MAN1C1: variants seen among roughly 807,000 people sequenced by gnomAD.
MAN1C1 encodes mannosyl-oligosaccharide 1,2-alpha-mannosidase IC.
A neutral mutation model predicts 71.5 loss-of-function variants in MAN1C1; 49 were observed. The ratio of observed to expected loss-of-function variants is 0.69; its 90% CI spans 0.54 to 0.87. The LOEUF is 0.87. MAN1C1 is among the 40% of genes least tolerant of loss of function. MAN1C1 has a pLI of 0.00. For synonymous variants in MAN1C1, 352 were observed against 343.7 expected (o/e 1.02, Z -0.27); for missense variants, 743 against 835.0 (o/e 0.89, Z 1.36).
In MAN1C1 at chr1:25,679,558, T is replaced by TAAA. The variant is rs35048799; in HGVS notation, c.541-6869_541-6867dup. ...CTCCAGTAAAATTTCCTAAATGAGT[T>TAAA]AAAAAAAAAAAAAAAGGCATTTCAG... On this transcript the variant is annotated intron_variant, in intron 1 of 11. Transcript: ENST00000374332. Among the ~76,000 whole-genome samples, 15 of 135,178 alleles carry TAAA rather than the reference T, an allele frequency of 1.1e-4. No homozygotes were observed. The East Asian group carries it at 2.6e-3, about 23-fold the overall frequency. 88.7% of individuals were successfully genotyped at this position (135,178 alleles called of 152,430 possible).
At chr1:25,738,838 A>G (rs2047018038) in intron 2 of MAN1C1, among the ~76,000 whole-genome samples, 1 of 152,124 alleles carries the variant, frequency 6.6e-6, no homozygotes, top group South Asian at 2.1e-4. Flanking sequence ...AGAGGCAGGA[A>G]GTGGAAGCTG....
At chr1:25,717,575 CT>C (rs1023005252) in intron 2 of MAN1C1, among the ~76,000 whole-genome samples, 1,718 of 135,486 alleles carry the variant, frequency 0.013, 22 homozygotes, top group African/African-American at 0.038. Context: ...TACCATTTTC[CT>C]TTTTTTTTTT....
rs545327724 is a variant in MAN1C1, at chr1:25,642,877, C to G, written c.540+24540C>G. ...TGGCAGATGGTTGTAGCTGTGGTTT[C>G]CTGGAGGCCTGTGTGGGGAGATGAT... On this transcript the variant is annotated intron_variant, in intron 1 of 11. Coordinates refer to ENST00000374332, the MANE Select transcript of MAN1C1 (RefSeq NM_020379.4). 2.0e-5 allele frequency among the ~76,000 whole-genome samples: 3 copies of G among 152,206 alleles called. No individual in the cohort carries two copies. In the East Asian group the frequency reaches 5.8e-4, roughly 29 times the overall value.
At chr1:25,619,459 G>C (rs1303985730) in intron 1 of MAN1C1, among the ~76,000 whole-genome samples, 1 of 152,224 alleles carries the variant, frequency 6.6e-6, no homozygotes, top group Admixed American at 6.5e-5. Context: ...GCTCAGAGCC[G>C]ATGGAGGGCT....
chr1:25,715,940 T>G (rs553130196), intron 2 of MAN1C1, among the ~76,000 whole-genome samples: 2 of 152,324 alleles, frequency 1.3e-5, no homozygotes, highest in Non-Finnish European at 2.9e-5. Context: ...GTCAGGGACT[T>G]AGGTTCCACT....
At chr1:25,658,784 TCTC>T (rs1371268423) in intron 1 of MAN1C1, 3 of 152,402 alleles carry the variant, frequency 2.0e-5, no homozygotes, top group African/African-American at 7.2e-5. Flanking sequence ...TTCTGTCTCT[TCTC>T]TGAAGTTCCT....
At position 25,783,958 on chromosome 1, in the gene MAN1C1, ACT is replaced by A. The variant is rs989463874; in HGVS notation, c.*171_*172del. Reference sequence around the variant, plus strand: ...CTCTGTGAGGAGACAAGACTTGGAGACTCAGCGATGTCAGGCCAGGGCCATGG... The same window carrying A: ...CTCTGTGAGGAGACAAGACTTGGAGACAGCGATGTCAGGCCAGGGCCATGG... On this transcript the variant is annotated 3_prime_UTR_variant, in exon 12 of 12. Coordinates refer to ENST00000374332, the MANE Select transcript of MAN1C1 (RefSeq NM_020379.4). 2 of 879,282 alleles carry A rather than the reference ACT, an allele frequency of 2.3e-6. No individual in the cohort carries two copies. Among genetic ancestry groups the A allele is most frequent in the African/African-American group, 1.7e-5 (1 of 59,112 alleles). The allele number at this position is 879,282 out of a possible 1,614,324, so 54.5% of individuals were successfully genotyped here. A position where few individuals can be genotyped will look rare whatever the true frequency, so the allele number is the denominator to read the frequency against.
chr1:25,771,684 A>G lies in MAN1C1; in HGVS notation c.1169A>G (p.Asp390Gly). ...CATGTCTCAGTTGGAGGACTCGGGGACAGTTTTTATGAATATTTGATCAAA... is the reference window on the plus strand; with the variant it reads ...CATGTCTCAGTTGGAGGACTCGGGGGCAGTTTTTATGAATATTTGATCAAA... ...QHHVSVGGLG[D>G]SFYEYLIKSW... The change falls in exon 8 of 12, where the codon GAC becomes GGC. Residue 390 changes from aspartate (D) to glycine (G), a missense_variant. Physicochemically the swap from Asp to Gly is moderately conservative, Grantham distance 94 (BLOSUM62 -1). Transcript: ENST00000374332. 2.5e-6 allele frequency: 4 copies of G among 1,614,066 alleles called. No homozygotes were observed. The highest frequency in any genetic ancestry group is 3.4e-6 in the Non-Finnish European group (4 of 1,179,924).
At chr1:25,745,559 G>A (rs145245749) in intron 2 of MAN1C1, among the ~76,000 whole-genome samples, 2 of 152,264 alleles carry the variant, frequency 1.3e-5, no homozygotes, top group African/African-American at 4.8e-5. Context: ...AAAAGATCCC[G>A]TGGATGTCTC....
intron 1 of MAN1C1, chr1:25,654,345 G>A (rs1032153733): frequency 1.1e-4 from 17 of 152,164 alleles, no homozygotes; most frequent in African/African-American, 3.4e-4. Flanking sequence ...CGATCCATGA[G>A]GCATCTGACC....
rs1491451053 is a variant in MAN1C1, at chr1:25,730,817, T to TGCA, written c.638-15851_638-15850insGCA. On this transcript the variant is annotated intron_variant, in intron 2 of 11. Transcript: ENST00000374332. The surrounding 1 kb of genome is among the most constrained non-coding windows in gnomAD (Gnocchi z 4.3). ...CTTTTCACTCTCCTGCCAGACTCTG[T>TGCA]TCATGGAGTCCTGCACCCTTCACCT... Among the ~76,000 whole-genome samples the TGCA allele has an allele frequency of 1.3e-5, 2 of 152,198 alleles. No homozygotes were observed. Among genetic ancestry groups the TGCA allele is most frequent in the Admixed American group, 1.3e-4 (2 of 15,268 alleles).
chr1:25,706,438 C>A (rs1335948018), intron 2 of MAN1C1, among the ~76,000 whole-genome samples: 2 of 152,036 alleles, frequency 1.3e-5, no homozygotes, highest in East Asian at 3.9e-4. Context: ...GAGTTGTGGG[C>A]GTGTTGGTCG....
chr1:25,694,841 C>T (rs2046350115), intron 2 of MAN1C1, among the ~76,000 whole-genome samples: 2 of 152,186 alleles, frequency 1.3e-5, no homozygotes, highest in Admixed American at 1.3e-4. Flanking sequence ...GCTTTGACTT[C>T]AGAGATATGC....
rs547575572 is a variant in MAN1C1 at position 25,660,844 on chromosome 1, C to T, written c.541-25596C>T. On this transcript the variant is annotated intron_variant, in intron 1 of 11. Coordinates refer to ENST00000374332, the MANE Select transcript of MAN1C1 (RefSeq NM_020379.4). ...TAGCTGGGACCACAGGTGCATGCAA[C>T]CATGCCCAGCTAATTTTTTTATTTT... Among the ~76,000 whole-genome samples the T allele has an allele frequency of 1.9e-3, 286 of 152,234 alleles. 1 individual carries two copies. Among genetic ancestry groups the T allele is most frequent in the African/African-American group, 6.5e-3 (270 of 41,544 alleles).
intron 2 of MAN1C1, among the ~76,000 whole-genome samples, chr1:25,695,556 G>A (rs1028346393): frequency 4.6e-5 from 7 of 152,134 alleles, no homozygotes; most frequent in African/African-American, 1.2e-4. Context: ...AGCAAAGCAC[G>A]CCTCGAAATT....
In MAN1C1 at chr1:25,746,783, G is replaced by A. The variant is rs1234613556; in HGVS notation, c.753G>A (p.Val251=). 1.9e-6 allele frequency: 3 copies of A among 1,596,796 alleles called. No individual in the cohort carries two copies. Among genetic ancestry groups the A allele is most frequent in the Non-Finnish European group, 2.6e-6 (3 of 1,168,034 alleles). Residue 251 remains valine, a splice_region_variant and synonymous_variant, in exon 3 of 12, where the codon GTG becomes GTA. Coordinates refer to ENST00000374332, the MANE Select transcript of MAN1C1 (RefSeq NM_020379.4). This position sits in a 1 kb window ranked among gnomAD's most constrained non-coding sequence, Gnocchi z 4.0. ...TGGGAGAGAGCTTCCACCTGAACGT[G>A]GTGAGTCAGAGGCCCTCGGCGGGGG... ...AWVGESFHLN[V]SGEASLFEVN...
At chr1:25,774,391 A>C (rs79860306) in intron 8 of MAN1C1, among the ~76,000 whole-genome samples, 3,004 of 152,254 alleles carry the variant, frequency 0.02, 119 homozygotes, top group African/African-American at 0.068. Context: ...AGGGTCAGAA[A>C]GGCCCAAGGT....
In MAN1C1 at chr1:25,676,853, C is replaced by G. The variant is rs745913258; in HGVS notation, c.541-9587C>G. 2.0e-5 allele frequency among the ~76,000 whole-genome samples: 3 copies of G among 152,178 alleles called. 1 individual carries two copies. Among genetic ancestry groups the G allele is most frequent in the Admixed American group, 2.0e-4 (3 of 15,278 alleles). On this transcript the variant is annotated intron_variant, in intron 1 of 11. Coordinates refer to ENST00000374332, the MANE Select transcript of MAN1C1 (RefSeq NM_020379.4). ...GGAGAATGTCTCAATATTCAATGCTCACCCCCTTCCTTCCAAGTTGTACCC... is the reference window on the plus strand; with the variant it reads ...GGAGAATGTCTCAATATTCAATGCTGACCCCCTTCCTTCCAAGTTGTACCC...
rs1460176554 is a variant in MAN1C1 at position 25,764,773 on chromosome 1, G to C, written c.1141+806G>C. Among the ~76,000 whole-genome samples, 3 of 152,064 alleles carry C rather than the reference G, an allele frequency of 2.0e-5. No individual in the cohort carries two copies. The highest frequency in any genetic ancestry group is 4.4e-5 in the Non-Finnish European group (3 of 68,016). On this transcript the variant is annotated intron_variant, in intron 7 of 11. Transcript: ENST00000374332. This position sits in a 1 kb window ranked among gnomAD's most constrained non-coding sequence, Gnocchi z 4.4. ...ACAAACAAACAAAAACCATACAACA[G>C]TGTAGAAATCATGAATTCAGGCCAA...
Sources: gnomAD v4.1 joint callset for allele counts (sites outside exome capture counted in the v4.1 genomes callset) on GRCh38, gnomAD v4.1.1 for gene constraint, Gnocchi (gnomAD v3.1) non-coding constraint, MANE v1.5 for transcripts, NCBI Gene and HGNC (gene_info 2026-07-23, HGNC 2026-07-21) for gene names.